The following ILDR1 variants were observed in gnomAD, a reference collection of about 807,000 sequenced individuals.
ILDR1 encodes immunoglobulin like domain containing receptor 1, also known as immunoglobulin-like domain-containing receptor 1.
ILDR1 carries 56 observed loss-of-function variants against 62.4 expected under a neutral mutation model. The ratio of observed to expected loss-of-function variants is 0.90; its 90% confidence interval spans 0.72 to 1.12. The LOEUF is 1.12. Among genes scored for constraint, ILDR1 ranks in the 50% most tolerant of loss-of-function variants. The pLI, the probability that ILDR1 is intolerant of heterozygous loss-of-function variation, is 0.00. For synonymous variants in ILDR1, 284 were observed against 277.8 expected, an observed-to-expected ratio of 1.02 and a Z score of -0.22; for missense variants, 736 against 710.6, an observed-to-expected ratio of 1.04 and a Z score of -0.41.
chr3:122,001,980 T>G, intron 3 of ILDR1, 116 bp from the exon 4 acceptor site: 1 of 1,143,020 alleles, frequency 8.7e-7, no homozygotes, highest in Non-Finnish European at 1.2e-6. Flanking sequence ...CAAAAAATAA[T>G]AAAAAAAAAA....
At chr3:122,042,158 T>C in the ILDR1 span, among the ~76,000 whole-genome samples, 8 of 94,390 alleles carry the variant, frequency 8.5e-5, no homozygotes, top group Admixed American at 6.0e-4. Context: ...TGAGTGAGAA[T>C]ATGCGGTGTT....
At chr3:122,041,410 G>A in the ILDR1 span, among the ~76,000 whole-genome samples, 1 of 152,176 alleles carries the variant, frequency 6.6e-6, no homozygotes. Context: ...GATGCAGCAA[G>A]AAGCCCCTTG....
the ILDR1 span, among the ~76,000 whole-genome samples, chr3:122,052,290 A>G: frequency 6.6e-6 from 1 of 152,100 alleles, no homozygotes; most frequent in Non-Finnish European, 1.5e-5. Flanking sequence ...CAGACAAGAA[A>G]GAAACCAATC....
Position 122,022,027 on chromosome 3 carries a change from G to A in ILDR1, c.51C>T (p.Leu17=). 2 of 1,611,258 alleles carry A rather than the reference G, an allele frequency of 1.2e-6. No homozygotes were observed. Among genetic ancestry groups the A allele is most frequent in the Non-Finnish European group, 8.5e-7 (1 of 1,178,848 alleles). ...PAPWLLLCTW[L]PAGCLSLLVT... ...CATTTTTCCAAGGCTCACCTGCTGG[G>A]AGCCAGGTGCAGAGCAGCAGCCAAG... is the stretch of plus-strand genomic sequence containing the variant. The change falls in exon 1 of 8, where the codon CTC becomes CTT. Residue 17 remains leucine (L), a synonymous_variant. Coordinates refer to ENST00000344209, the MANE Select transcript of ILDR1 (RefSeq NM_001199799.2).
intron 3 of ILDR1, 33 bp downstream of exon 3, chr3:122,005,211 C>A: frequency 8.1e-7 from 1 of 1,240,078 alleles, no homozygotes; most frequent in Non-Finnish European, 1.2e-6. Context: ...CTCCCCCCAC[C>A]CCCAGTTCCC....
rs574405506 is a variant in ILDR1, at chr3:121,987,902, T to G, written c.*465A>C. 5 of 247,870 alleles carry G rather than the reference T, an allele frequency of 2.0e-5. 1 individual carries two copies. The South Asian group carries it at 2.0e-4, about 10-fold the overall frequency. 15.4% of individuals were successfully genotyped at this position (247,870 alleles called of 1,614,324 possible). A position where few individuals can be genotyped will look rare whatever the true frequency, so the allele number is the denominator to read the frequency against. On this transcript the variant is annotated 3_prime_UTR_variant, in exon 8 of 8. Coordinates refer to ENST00000344209, the MANE Select transcript of ILDR1 (RefSeq NM_001199799.2). ...TCCTCGAACTCTAACTTTTTTGTTT[T>G]TTGGCCTTTTGGGTTTTTTAGTAAT...
intron 7 of ILDR1, among the ~76,000 whole-genome samples, chr3:121,990,025 T>G (rs1382886809): frequency 4.6e-5 from 7 of 152,122 alleles, no homozygotes; most frequent in Non-Finnish European, 1.5e-5. Flanking sequence ...TTTAGGAAAA[T>G]AGTGATACAT....
the ILDR1 span, among the ~76,000 whole-genome samples, chr3:122,049,629 C>T: frequency 6.6e-6 from 1 of 152,080 alleles, no homozygotes; most frequent in Non-Finnish European, 1.5e-5. Context: ...TATATGATGT[C>T]TTTCTTTGTT....
rs1323401569 is a variant in ILDR1, at chr3:122,001,326, A to C, written c.628T>G (p.Cys210Gly). 1.9e-6 allele frequency: 3 copies of C among 1,614,210 alleles called. No homozygotes were observed. Among genetic ancestry groups the C allele is most frequent in the East Asian group, 4.5e-5 (2 of 44,890 alleles). ...YIRCPCCPAH[C>G]CCPEEALARH... is the part of the protein sequence containing the mutation. ...CTCTCACCTTCCTCAGGACAGCAGC[A>C]GTGGGCAGGACAGCAGGGACAGCGG... Residue 210 changes from cysteine (C) to glycine (G), a missense_variant, in exon 5 of 8, where the codon TGC (cysteine) becomes GGC (glycine). By Grantham distance (159) the Cys-to-Gly change is radical. Coordinates refer to ENST00000344209, the MANE Select transcript of ILDR1 (RefSeq NM_001199799.2).
intron 7 of ILDR1, among the ~76,000 whole-genome samples, chr3:121,989,493 A>G (rs1220851067): frequency 6.6e-6 from 1 of 152,238 alleles, no homozygotes; most frequent in Non-Finnish European, 1.5e-5. Context: ...CTCTTGTATT[A>G]GAACAGGTGT....
At chr3:122,052,049 C>A in the ILDR1 span, among the ~76,000 whole-genome samples, 1 of 151,924 alleles carries the variant, frequency 6.6e-6, no homozygotes, top group East Asian at 1.9e-4. Context: ...TATGTTAGAC[C>A]TTCTCTGCCT....
chr3:122,042,849 T>G, the ILDR1 span, among the ~76,000 whole-genome samples: 3 of 152,294 alleles, frequency 2.0e-5, no homozygotes, highest in African/African-American at 4.8e-5. Context: ...TGAAAATTTT[T>G]TCCCATTTTG....
chr3:122,021,952 C>G (rs1483426122), intron 1 of ILDR1, 68 bp downstream of exon 1: 14 of 1,491,278 alleles, frequency 9.4e-6, no homozygotes, highest in Non-Finnish European at 1.3e-5. Flanking sequence ...GCCAGCTCTG[C>G]AAGGCCACGC....
rs2071390863 is a variant in ILDR1 at position 121,993,644 on chromosome 3, T to C, written c.1105A>G (p.Ser369Gly). The C allele has an allele frequency of 1.2e-6, 2 of 1,614,178 alleles. No individual in the cohort carries two copies. The highest frequency in any genetic ancestry group is 1.3e-5 in the African/African-American group (1 of 75,038). Reference protein sequence around the residue: ...SRPWDLREGRSHHHYPDFHQE... With the variant: ...SRPWDLREGRGHHHYPDFHQE... ...TGGAAATCAGGGTAATGGTGGTGGCTTCTCCCCTCCCTCAGATCCCAGGGC... is the reference window on the plus strand; with the variant it reads ...TGGAAATCAGGGTAATGGTGGTGGCCTCTCCCCTCCCTCAGATCCCAGGGC... Residue 369 changes from serine to glycine, a missense_variant, in exon 7 of 8, where the codon AGC becomes GGC. By Grantham distance (56) the Ser-to-Gly change is moderately conservative. Coordinates refer to ENST00000344209, the MANE Select transcript of ILDR1 (RefSeq NM_001199799.2).
At chr3:122,011,677 T>TCA (rs10530548) in intron 1 of ILDR1, among the ~76,000 whole-genome samples, 2,461 of 133,206 alleles carry the variant, frequency 0.018, 37 homozygotes, top group Middle Eastern at 0.04. Context: ...TCTCTCTCTT[T>TCA]CACACACACA....
At chr3:122,021,950 T>C in intron 1 of ILDR1, 70 bp downstream of exon 1, 1 of 1,481,246 alleles carries the variant, frequency 6.8e-7, no homozygotes, top group Non-Finnish European at 9.3e-7. Context: ...CGGCCAGCTC[T>C]GCAAGGCCAC....
chr3:122,031,311 G>A, the ILDR1 span, among the ~76,000 whole-genome samples: 3 of 152,186 alleles, frequency 2.0e-5, no homozygotes, highest in Non-Finnish European at 4.4e-5. Context: ...TACCTAAGGG[G>A]TTGTCTCTGC....
chr3:122,021,439 T>C (rs2071853415), intron 1 of ILDR1, among the ~76,000 whole-genome samples: 1 of 152,162 alleles, frequency 6.6e-6, no homozygotes, highest in African/African-American at 2.4e-5. Flanking sequence ...AGAGGGTAGA[T>C]GGTTGGACAC....
intron 5 of ILDR1, among the ~76,000 whole-genome samples, chr3:121,995,248 G>A (rs1333732225): frequency 6.6e-6 from 1 of 152,174 alleles, no homozygotes; most frequent in Non-Finnish European, 1.5e-5. Context: ...ACGCGTGTTG[G>A]ACGTGTGCCT....
Sources: allele counts gnomAD v4.1 joint callset (sites outside exome capture counted in the v4.1 genomes callset), GRCh38; gene constraint gnomAD v4.1.1; transcripts MANE v1.5; gene names NCBI Gene and HGNC (gene_info 2026-07-23, HGNC 2026-07-21).